Variants in SORCS3 observed in about 807,000 individuals in gnomAD.
SORCS3 encodes the protein sortilin related VPS10 domain containing receptor 3.
Under a neutral mutation model 146.3 loss-of-function variants are expected in SORCS3, and 57 were observed. That is an observed-to-expected ratio of 0.39 (90% confidence interval 0.31 to 0.49). SORCS3 has a LOEUF of 0.49. Ranked by LOEUF, SORCS3 falls within the 20% of genes least tolerant of loss-of-function variation. SORCS3 has a pLI of 0.92. For missense variants in SORCS3, 1,341 were observed against 1,575.5 expected (o/e 0.85, Z 2.52); for synonymous variants, 653 against 618.5 (o/e 1.06, Z -0.83).
chr10:105,255,712 C>G lies in SORCS3; in HGVS notation c.3248C>G (p.Thr1083Arg). 1 of 1,612,860 alleles carries G rather than the reference C, an allele frequency of 6.2e-7. No individual in the cohort carries two copies. The highest frequency in any genetic ancestry group is 8.5e-7 in the Non-Finnish European group (1 of 1,179,102). Residue 1083 changes from threonine (T) to arginine (R), a missense_variant, in exon 24 of 27, where the codon ACA becomes AGA. By Grantham distance (71) the Thr-to-Arg change is moderately conservative. Transcript: ENST00000369701. ...GTCTTATTTTTTCAGATTGTAGAAACACTGTTTAATGCTCTCAACCAAAAT... is the reference window on the plus strand; with the variant it reads ...GTCTTATTTTTTCAGATTGTAGAAAGACTGTTTAATGCTCTCAACCAAAAT... The part of the protein sequence containing the change: ...NEGDLEQIVE[T>R]LFNALNQNLV...
chr10:104,714,323 A>G (rs1199643201), intron 1 of SORCS3, among the ~76,000 whole-genome samples: 1 of 151,740 alleles, frequency 6.6e-6, no homozygotes, highest in Non-Finnish European at 1.5e-5. Context: ...TTTTTCCTCT[A>G]GTTTCCTAAG....
chr10:105,185,899 A>G (rs1281041145), intron 14 of SORCS3, among the ~76,000 whole-genome samples: 1 of 152,206 alleles, frequency 6.6e-6, no homozygotes, highest in African/African-American at 2.4e-5. Flanking sequence ...TATAAAAATA[A>G]TATTCTTCTA....
chr10:105,251,353 T>C (rs2056896871), intron 22 of SORCS3, among the ~76,000 whole-genome samples: 1 of 152,136 alleles, frequency 6.6e-6, no homozygotes, highest in African/African-American at 2.4e-5. Context: ...CTCCACCTGA[T>C]TCCTCCCTCA....
intron 5 of SORCS3, among the ~76,000 whole-genome samples, chr10:105,064,438 G>A (rs538740305): frequency 4.6e-5 from 7 of 152,262 alleles, no homozygotes; most frequent in African/African-American, 7.2e-5. Flanking sequence ...GAATTGGCTC[G>A]TGCAATTATA....
intron 18 of SORCS3, 51 bp from the exon 19 acceptor site, chr10:105,216,885 G>A: frequency 6.3e-7 from 1 of 1,582,466 alleles, no homozygotes; most frequent in Non-Finnish European, 8.7e-7. Flanking sequence ...GCATCAGATA[G>A]GAGTCTGGCT....
chr10:104,676,869 C>T (rs554850110), intron 1 of SORCS3, among the ~76,000 whole-genome samples: 5 of 152,070 alleles, frequency 3.3e-5, no homozygotes, highest in South Asian at 4.2e-4. Context: ...CTCCAGTGGT[C>T]GAATGGTAGT....
chr10:104,765,140 C>T lies in SORCS3; in HGVS notation c.628-77652C>T, dbSNP rs558307965. ...GAGTGCCCTATATTTACGTTTCTTT[C>T]CTTTGGACCCCGTGGAACCTAGTCT... On this transcript the variant is annotated intron_variant, in intron 1 of 26. Transcript: ENST00000369701. 2.6e-5 allele frequency among the ~76,000 whole-genome samples: 4 copies of T among 152,280 alleles called. 1 individual carries two copies. The South Asian group carries it at 8.3e-4, about 32-fold the overall frequency.
chr10:105,178,475 G>A (rs1424189580), intron 14 of SORCS3, among the ~76,000 whole-genome samples: 1 of 152,072 alleles, frequency 6.6e-6, no homozygotes, highest in Admixed American at 6.6e-5. Context: ...TCGTTAGATG[G>A]TTTTTTTCTC....
chr10:104,846,084 A>G (rs1396918445), intron 2 of SORCS3, among the ~76,000 whole-genome samples: 1 of 152,176 alleles, frequency 6.6e-6, no homozygotes, highest in African/African-American at 2.4e-5. Flanking sequence ...CGTGTTGACC[A>G]ATATCATATA....
chr10:104,798,021 G>A (rs2017577854), intron 1 of SORCS3, among the ~76,000 whole-genome samples: 1 of 152,160 alleles, frequency 6.6e-6, no homozygotes, highest in Non-Finnish European at 1.5e-5. Context: ...GGGAGATGGT[G>A]CATAATCCCA....
At chr10:104,904,368 A>G (rs905402693) in intron 2 of SORCS3, among the ~76,000 whole-genome samples, 1 of 152,222 alleles carries the variant, frequency 6.6e-6, no homozygotes, top group Admixed American at 6.5e-5. Context: ...TCTGTAAGGC[A>G]CTTTATAGCA....
chr10:104,876,759 CT>C (rs35909126), intron 2 of SORCS3, among the ~76,000 whole-genome samples: 4,047 of 130,314 alleles, frequency 0.031, 226 homozygotes, highest in African/African-American at 0.076. Context: ...TTCTTTCTTT[CT>C]CTTCCTTCCT....
At chr10:105,009,885 C>T (rs2055122994) in intron 4 of SORCS3, among the ~76,000 whole-genome samples, 1 of 151,970 alleles carries the variant, frequency 6.6e-6, no homozygotes, top group African/African-American at 2.4e-5. Context: ...CCCTGACTTC[C>T]CATTTCTCAG....
At chr10:104,940,488 C>T (rs146136538) in intron 3 of SORCS3, among the ~76,000 whole-genome samples, 98 of 146,632 alleles carry the variant, frequency 6.7e-4, no homozygotes, top group African/African-American at 1.9e-3. Flanking sequence ...TGACAACATG[C>T]GGCGTTCGCT....
chr10:104,992,521 A>G (rs2055000870), intron 4 of SORCS3, among the ~76,000 whole-genome samples: 1 of 152,188 alleles, frequency 6.6e-6, no homozygotes, highest in African/African-American at 2.4e-5. Flanking sequence ...TGTGTTGCAA[A>G]TCTTCCTGAA....
chr10:104,953,938 T>C (rs897710677), intron 3 of SORCS3, among the ~76,000 whole-genome samples: 6 of 152,168 alleles, frequency 3.9e-5, no homozygotes, highest in African/African-American at 1.4e-4. Context: ...GACTCAGCAT[T>C]GGAAACAGTG....
At chr10:104,863,850 G>C (rs1243651181) in intron 2 of SORCS3, among the ~76,000 whole-genome samples, 1 of 152,208 alleles carries the variant, frequency 6.6e-6, no homozygotes, top group Non-Finnish European at 1.5e-5. Flanking sequence ...GTGAGGGCAT[G>C]TGCTGGAGTC....
intron 1 of SORCS3, among the ~76,000 whole-genome samples, chr10:104,725,613 G>C (rs559844517): frequency 2.0e-5 from 3 of 152,316 alleles, no homozygotes; most frequent in Non-Finnish European, 4.4e-5. Context: ...TTGAGCTGAG[G>C]TGGGCTCCAC....
intron 17 of SORCS3, among the ~76,000 whole-genome samples, chr10:105,212,598 C>T (rs1049133890): frequency 1.3e-5 from 2 of 151,794 alleles, no homozygotes; most frequent in African/African-American, 2.4e-5. Flanking sequence ...TCCCAAATAG[C>T]TAACAAAATA....
Sources: gnomAD v4.1 joint callset for allele counts (sites outside exome capture counted in the v4.1 genomes callset) on GRCh38, gnomAD v4.1.1 for gene constraint, MANE v1.5 for transcripts, NCBI Gene and HGNC (gene_info 2026-07-23, HGNC 2026-07-21) for gene names.